Variants in ASIC2 observed in about 807,000 individuals in gnomAD.
ASIC2 encodes the protein acid sensing ion channel subunit 2, also known as acid-sensing ion channel 2.
ASIC2 carries 25 observed loss-of-function variants against 57.3 expected under a neutral mutation model. The observed-to-expected ratio is 0.44, with a 90% CI of 0.32 to 0.61. The LOEUF is 0.61. Among genes scored for constraint, ASIC2 ranks in the 20% least tolerant of loss-of-function variants. The pLI is 0.06. For synonymous variants in ASIC2, 319 were observed against 307.5 expected (o/e 1.04, Z -0.39); for missense variants, 641 against 738.1 (o/e 0.87, Z 1.52).
At chr17:33,614,372 C>G (rs909484467) in intron 1 of ASIC2, among the ~76,000 whole-genome samples, 5 of 152,182 alleles carry the variant, frequency 3.3e-5, no homozygotes, top group African/African-American at 1.2e-4. Flanking sequence ...AATCCCTTAA[C>G]TGATTGCTTA....
chr17:33,682,276 A>G (rs1339689581), intron 1 of ASIC2, among the ~76,000 whole-genome samples: 1 of 151,494 alleles, frequency 6.6e-6, no homozygotes, highest in African/African-American at 2.4e-5. Context: ...CATGTTAGCC[A>G]GGATGGTCTC....
chr17:33,430,667 G>T (rs1338479581), intron 1 of ASIC2, among the ~76,000 whole-genome samples: 5 of 152,136 alleles, frequency 3.3e-5, no homozygotes, highest in African/African-American at 1.2e-4. Flanking sequence ...GCTGCCATGT[G>T]GAAATGCGGT....
rs551869134 is a variant in ASIC2 at position 34,099,205 on chromosome 17, A to G, written c.555+56773T>C. 1.0e-3 allele frequency among the ~76,000 whole-genome samples: 131 copies of G among 127,004 alleles called. 2 individuals carry two copies. The highest frequency in any genetic ancestry group is 4.4e-3 in the African/African-American group (116 of 26,494). 83.3% of individuals were successfully genotyped at this position (127,004 alleles called of 152,430 possible). A position where few individuals can be genotyped will look rare whatever the true frequency, so the allele number is the denominator to read the frequency against. On this transcript the variant is annotated intron_variant, in intron 1 of 9. Transcript: ENST00000359872. ...GAAAGAAAGAAAGAAAGAAAGAAAGAAAGAAAGGAAAGAAAAGAAAGAAAA... is the reference window on the plus strand; with the variant it reads ...GAAAGAAAGAAAGAAAGAAAGAAAGGAAGAAAGGAAAGAAAAGAAAGAAAA...
At chr17:33,546,138 C>CATATAT (rs1915569036) in intron 1 of ASIC2, among the ~76,000 whole-genome samples, 1 of 149,728 alleles carries the variant, frequency 6.7e-6, no homozygotes, top group African/African-American at 2.4e-5. Flanking sequence ...TATATATACA[C>CATATAT]ATATGTATAT....
At chr17:33,562,897 C>A (rs114545730) in intron 1 of ASIC2, among the ~76,000 whole-genome samples, 73 of 152,142 alleles carry the variant, frequency 4.8e-4, no homozygotes, top group Non-Finnish European at 9.4e-4. Context: ...CTGAGTGTCA[C>A]CCTCTTGATT....
chr17:33,650,185 C>T (rs773638039), intron 1 of ASIC2, among the ~76,000 whole-genome samples: 7 of 152,130 alleles, frequency 4.6e-5, no homozygotes, highest in Non-Finnish European at 7.4e-5. Flanking sequence ...TATAAAGAGA[C>T]ATTTCACTGA....
chr17:34,019,216 T>G (rs575395877), intron 1 of ASIC2, among the ~76,000 whole-genome samples: 1 of 151,928 alleles, frequency 6.6e-6, no homozygotes, highest in Non-Finnish European at 1.5e-5. Flanking sequence ...CAAAGTAGAT[T>G]CTTGAGACAG....
At position 34,047,625 on chromosome 17, in the gene ASIC2, C is replaced by T. The variant is rs148176454; in HGVS notation, c.555+108353G>A. Among the ~76,000 whole-genome samples, 1,016 of 151,180 alleles carry T rather than the reference C, an allele frequency of 6.7e-3. 19 individuals are homozygous for T. Among genetic ancestry groups the T allele is most frequent in the African/African-American group, 0.024 (973 of 41,208 alleles). On this transcript the variant is annotated intron_variant, in intron 1 of 9. Transcript: ENST00000359872. ...CGGCATGACTTTGTGGTTCTTTCCA[C>T]AAAGTGTTGGAATCTTTCCATTCCC... is the stretch of plus-strand genomic sequence containing the variant.
At chr17:33,216,794 T>C (rs1382221018) in intron 1 of ASIC2, among the ~76,000 whole-genome samples, 1 of 152,134 alleles carries the variant, frequency 6.6e-6, no homozygotes, top group Non-Finnish European at 1.5e-5. Flanking sequence ...AATTAGACTT[T>C]AATGAGGATC....
At chr17:33,522,878 C>T (rs1278642595) in intron 1 of ASIC2, among the ~76,000 whole-genome samples, 3 of 152,178 alleles carry the variant, frequency 2.0e-5, no homozygotes, top group African/African-American at 7.2e-5. Flanking sequence ...CGCTCTGCAC[C>T]GTGCAGTCCT....
chr17:33,724,829 A>AACACATACACACACACAC (rs1362929547), intron 1 of ASIC2, among the ~76,000 whole-genome samples: 1 of 143,668 alleles, frequency 7.0e-6, no homozygotes, highest in East Asian at 2.0e-4. Flanking sequence ...CTCAACCCCC[A>AACACATACACACACACAC]ACACATACAC....
chr17:33,447,086 T>G (rs962000202), intron 1 of ASIC2, among the ~76,000 whole-genome samples: 1 of 152,218 alleles, frequency 6.6e-6, no homozygotes, highest in African/African-American at 2.4e-5. Context: ...TGCAGTTGGA[T>G]TAGCCACAGA....
At chr17:33,381,726 A>G (rs1909495868) in intron 1 of ASIC2, among the ~76,000 whole-genome samples, 1 of 152,204 alleles carries the variant, frequency 6.6e-6, no homozygotes, top group Non-Finnish European at 1.5e-5. Context: ...AGCTATTCCT[A>G]TGATCATAAA....
intron 1 of ASIC2, among the ~76,000 whole-genome samples, chr17:33,317,857 T>A (rs1162849139): frequency 6.6e-6 from 1 of 151,766 alleles, no homozygotes; most frequent in Non-Finnish European, 1.5e-5. Context: ...TTTTGATTTT[T>A]GTGAAATGGA....
At chr17:34,031,131 A>C (rs947692494) in intron 1 of ASIC2, among the ~76,000 whole-genome samples, 3 of 152,186 alleles carry the variant, frequency 2.0e-5, no homozygotes, top group Non-Finnish European at 2.9e-5. Context: ...CAGACTGACA[A>C]TTCACATGGC....
intron 1 of ASIC2, among the ~76,000 whole-genome samples, chr17:33,374,027 C>T (rs992764142): frequency 6.6e-6 from 1 of 151,860 alleles, no homozygotes; most frequent in South Asian, 2.1e-4. Context: ...TGGAGTTTCA[C>T]TCTTGCGGCC....
intron 1 of ASIC2, among the ~76,000 whole-genome samples, chr17:33,887,484 C>T (rs983789334): frequency 2.6e-5 from 4 of 152,154 alleles, no homozygotes; most frequent in African/African-American, 2.4e-5. Context: ...CAGGAGCTTA[C>T]TGTGCAGGGG....
At position 33,631,912 on chromosome 17, in the gene ASIC2, C is replaced by G. The variant is rs117283676; in HGVS notation, c.556-519845G>C. Among the ~76,000 whole-genome samples the G allele has an allele frequency of 1.1e-3, 167 of 152,262 alleles. 4 individuals are homozygous for G. The East Asian group carries it at 0.026, about 23-fold the overall frequency. On this transcript the variant is annotated intron_variant, in intron 1 of 9. Coordinates refer to the ASIC2 transcript ENST00000359872. ...GGTGTAGGACAGATGACCTTTAGGT[C>G]TCTTCCAAGTCTGAGATTCTCTGAT...
chr17:33,728,061 T>C (rs1220649150), intron 1 of ASIC2, among the ~76,000 whole-genome samples: 2 of 152,212 alleles, frequency 1.3e-5, no homozygotes, highest in Middle Eastern at 3.2e-3. Context: ...GCACATGCTC[T>C]GCCTGGATTC....
Sources: allele counts gnomAD v4.1 joint callset (sites outside exome capture counted in the v4.1 genomes callset), GRCh38; gene constraint gnomAD v4.1.1; transcripts MANE v1.5; gene names NCBI Gene and HGNC (gene_info 2026-07-23, HGNC 2026-07-21).